GIGYF2: variants seen among roughly 807,000 people sequenced by gnomAD.
GIGYF2 encodes GRB10-interacting GYF protein 2.
A neutral mutation model predicts 208.1 loss-of-function variants in GIGYF2; 25 were observed. The observed-to-expected ratio is 0.12, with a 90% confidence interval of 0.09 to 0.17. The LOEUF (loss-of-function observed/expected upper bound fraction) is 0.17. GIGYF2 is among the 10% of genes least tolerant of loss of function. The probability of loss-of-function intolerance (pLI) is 1.00; values close to 1 mark genes in which losing one functional copy is unlikely to be tolerated. For missense variants in GIGYF2, 1,302 were observed against 1,579.4 expected, an observed-to-expected ratio of 0.82 and a Z score of 2.98; for synonymous variants, 534 against 543.8, an observed-to-expected ratio of 0.98 and a Z score of 0.25.
At chr2:232,822,680 A>AG (rs1195280332) in intron 21 of GIGYF2, among the ~76,000 whole-genome samples, 10 of 152,104 alleles carry the variant, frequency 6.6e-5, no homozygotes, top group African/African-American at 2.2e-4. Context: ...TCTGTCTCGG[A>AG]GGGGGAAAAG....
intron 9 of GIGYF2, among the ~76,000 whole-genome samples, chr2:232,787,737 A>G (rs1345678546): frequency 6.6e-6 from 1 of 152,172 alleles, no homozygotes; most frequent in Non-Finnish European, 1.5e-5. Flanking sequence ...GAAAGGGTTT[A>G]TTCTTTCATT....
chr2:232,727,906 A>G (rs1697281770), intron 2 of GIGYF2, among the ~76,000 whole-genome samples: 1 of 152,158 alleles, frequency 6.6e-6, no homozygotes, highest in South Asian at 2.1e-4. Flanking sequence ...CTGTCTCCCC[A>G]AATTCGTTTT....
At chr2:232,749,497 GTGTGTGTGTGTGTGTC>G (rs998078741) in intron 5 of GIGYF2, among the ~76,000 whole-genome samples, 11 of 151,478 alleles carry the variant, frequency 7.3e-5, no homozygotes, top group Admixed American at 7.3e-4. Flanking sequence ...TGTCACCAAT[GTGTGTGTGTGTGTGTC>G]TGTGTGTGTG....
chr2:232,837,368 A>G (rs928473304), intron 22 of GIGYF2, among the ~76,000 whole-genome samples: 7 of 152,230 alleles, frequency 4.6e-5, no homozygotes, highest in African/African-American at 1.4e-4. Flanking sequence ...AAGTATCACC[A>G]ACTCTTGCTG....
At chr2:232,783,439 C>T (rs1699787205) in intron 8 of GIGYF2, among the ~76,000 whole-genome samples, 1 of 151,728 alleles carries the variant, frequency 6.6e-6, no homozygotes, top group Non-Finnish European at 1.5e-5. Flanking sequence ...TATCTACACA[C>T]CTTGACTAGT....
chr2:232,843,640 G>A lies in GIGYF2; in HGVS notation c.2890-406G>A, dbSNP rs560624538. Among the ~76,000 whole-genome samples the A allele has an allele frequency of 5.9e-5, 9 of 151,320 alleles. No homozygotes were observed. In the South Asian group the frequency reaches 1.9e-3, roughly 32 times the overall value. ...TGTAATCCCAGCACTTTGGGAAGCC[G>A]AGGTGGGCAGATCGCTTGAGGCCAG... On this transcript the variant is annotated intron_variant, in intron 23 of 28. Transcript: ENST00000373563.
chr2:232,819,729 G>A (rs1701019633), intron 20 of GIGYF2, 98 bp from the exon 21 acceptor site: 2 of 723,828 alleles, frequency 2.8e-6, no homozygotes, highest in Non-Finnish European at 2.5e-6. Context: ...CAGAGTCTTA[G>A]CAGCAGATAG....
At chr2:232,853,995 T>C (rs1050207014) in intron 28 of GIGYF2, among the ~76,000 whole-genome samples, 3 of 152,244 alleles carry the variant, frequency 2.0e-5, no homozygotes, top group Non-Finnish European at 4.4e-5. Context: ...CTTCCTGTCT[T>C]TGCATGAGTA....
At chr2:232,710,406 A>G (rs1352874720) in intron 2 of GIGYF2, among the ~76,000 whole-genome samples, 1 of 152,152 alleles carries the variant, frequency 6.6e-6, no homozygotes, top group Non-Finnish European at 1.5e-5. Flanking sequence ...TGCGTTTTGA[A>G]TAGACATGTC....
intron 3 of GIGYF2, among the ~76,000 whole-genome samples, chr2:232,741,489 C>T (rs1366607781): frequency 6.6e-6 from 1 of 151,474 alleles, no homozygotes; most frequent in Middle Eastern, 3.2e-3. Context: ...GTCACCCAAG[C>T]TGCGGTGCAG....
intron 21 of GIGYF2, among the ~76,000 whole-genome samples, chr2:232,829,396 A>T (rs1204570591): frequency 6.6e-6 from 1 of 152,154 alleles, no homozygotes; most frequent in African/African-American, 2.4e-5. Context: ...TTTTTATAAT[A>T]AAAAAATTGT....
intron 21 of GIGYF2, among the ~76,000 whole-genome samples, chr2:232,827,505 T>C (rs970336844): frequency 2.0e-5 from 3 of 152,222 alleles, no homozygotes; most frequent in Admixed American, 6.5e-5. Context: ...TCTGTGTCCT[T>C]TTAACAAAGC....
At chr2:232,701,924 T>G (rs1427613526) in intron 1 of GIGYF2, among the ~76,000 whole-genome samples, 9 of 151,994 alleles carry the variant, frequency 5.9e-5, no homozygotes, top group Admixed American at 5.2e-4. Context: ...TCCCGGCACT[T>G]TGGGAGGCTG....
chr2:232,769,107 C>G (rs1699107683), intron 8 of GIGYF2, among the ~76,000 whole-genome samples: 1 of 152,050 alleles, frequency 6.6e-6, no homozygotes, highest in Non-Finnish European at 1.5e-5. Context: ...TTGGTCATTT[C>G]CTATATTCCT....
At chr2:232,784,606 T>G (rs1699851494) in intron 8 of GIGYF2, among the ~76,000 whole-genome samples, 1 of 139,680 alleles carries the variant, frequency 7.2e-6, no homozygotes, top group Non-Finnish European at 1.6e-5. Context: ...TAGCTTGATC[T>G]GACCTCGTGA....
intron 22 of GIGYF2, among the ~76,000 whole-genome samples, chr2:232,833,728 C>T (rs1195953169): frequency 6.6e-6 from 1 of 152,090 alleles, no homozygotes; most frequent in Non-Finnish European, 1.5e-5. Flanking sequence ...TCCCAGAGAG[C>T]TCACCAACTT....
At chr2:232,854,359 G>A (rs1690470343) in intron 28 of GIGYF2, among the ~76,000 whole-genome samples, 1 of 152,150 alleles carries the variant, frequency 6.6e-6, no homozygotes. Context: ...TGGGTGTGGT[G>A]GCACCCGCTT....
chr2:232,776,962 G>T (rs181735134), intron 8 of GIGYF2, among the ~76,000 whole-genome samples: 1 of 151,954 alleles, frequency 6.6e-6, no homozygotes, highest in African/African-American at 2.4e-5. Flanking sequence ...CTTTGGGGAA[G>T]ATTTATTTGG....
chr2:232,810,547 AG>A (rs1321105027), intron 16 of GIGYF2: 16 of 153,542 alleles, frequency 1.0e-4, no homozygotes, highest in Non-Finnish European at 2.0e-4. Flanking sequence ...TGTGGTGCAG[AG>A]GTTGGCAAAG....
Sources: gnomAD v4.1 joint callset for allele counts (sites outside exome capture counted in the v4.1 genomes callset) on GRCh38, gnomAD v4.1.1 for gene constraint, MANE v1.5 for transcripts, NCBI Gene and HGNC (gene_info 2026-07-23, HGNC 2026-07-21) for gene names.